MID1: variants seen among roughly 807,000 people sequenced by gnomAD.
MID1 encodes E3 ubiquitin-protein ligase Midline-1.
In MID1, 7 loss-of-function variants were observed where a neutral mutation model predicts 40.4. The observed-to-expected ratio is 0.17, with a 90% CI of 0.10 to 0.33. MID1 has a LOEUF of 0.33. MID1 is among the 10% of genes least tolerant of loss of function. The pLI, the probability that MID1 is intolerant of heterozygous loss-of-function variation, is 1.00. For synonymous variants in MID1, 229 were observed against 221.2 expected, an observed-to-expected ratio of 1.04 and a Z score of -0.31; for missense variants, 367 against 558.5, an observed-to-expected ratio of 0.66 and a Z score of 3.46.
At chrX:10,686,608 T>C (rs988306850) in intron 1 of MID1, among the ~76,000 whole-genome samples, 4 of 112,057 alleles carry the variant, frequency 3.6e-5, no homozygotes, top group African/African-American at 1.3e-4. Context: ...TTATAAAAAA[T>C]ACTTTGTTGT....
At chrX:10,686,541 A>G (rs902143886) in intron 1 of MID1, among the ~76,000 whole-genome samples, 1 of 112,032 alleles carries the variant, frequency 8.9e-6, no homozygotes, top group Non-Finnish European at 1.9e-5. Context: ...TCTTGTCTGA[A>G]ATTTTCAGCA....
intron 1 of MID1, among the ~76,000 whole-genome samples, chrX:10,726,956 A>C (rs2043396347): frequency 1.8e-5 from 2 of 112,709 alleles, no homozygotes. Flanking sequence ...GGCTACAGCT[A>C]GCAAATATTC....
intron 1 of MID1, among the ~76,000 whole-genome samples, chrX:10,715,767 C>A (rs2043298330): frequency 1.8e-5 from 2 of 111,920 alleles, no homozygotes; most frequent in African/African-American, 6.5e-5. Flanking sequence ...TCCTTGACCC[C>A]CAAGTAGCCT....
intron 4 of MID1, among the ~76,000 whole-genome samples, chrX:10,490,982 A>G (rs978866571): frequency 1.8e-5 from 2 of 111,989 alleles, no homozygotes; most frequent in Non-Finnish European, 3.8e-5. Flanking sequence ...TCTCTACTGT[A>G]TTTATGGTAT....
chrX:10,583,313 G>A (rs1935061222), intron 1 of MID1, among the ~76,000 whole-genome samples: 1 of 112,405 alleles, frequency 8.9e-6, no homozygotes, highest in African/African-American at 3.2e-5. Context: ...AAGGTAGATG[G>A]GTGGTGCAAA....
At chrX:10,774,864 T>C (rs1052389110) in intron 1 of MID1, among the ~76,000 whole-genome samples, 1 of 111,711 alleles carries the variant, frequency 9.0e-6, no homozygotes, top group African/African-American at 3.2e-5. Flanking sequence ...AGATTGGCGT[T>C]CTTGGCTTTT....
intron 1 of MID1, among the ~76,000 whole-genome samples, 179 bp from the exon 2 acceptor site, chrX:10,567,782 C>A (rs984741804): frequency 5.4e-5 from 6 of 111,397 alleles, no homozygotes; most frequent in Admixed American, 4.8e-4. Flanking sequence ...GCATCCTGAG[C>A]CATCATATAC....
At chrX:10,833,145 C>T (rs749963298) in intron 1 of MID1, among the ~76,000 whole-genome samples, 59 of 112,043 alleles carry the variant, frequency 5.3e-4, no homozygotes, top group African/African-American at 1.8e-3. Flanking sequence ...TGACAAATTA[C>T]GCTTTTGCAG....
chrX:10,613,762 G>GAC (rs1409240486), intron 1 of MID1, among the ~76,000 whole-genome samples: 2 of 86,151 alleles, frequency 2.3e-5, no homozygotes, highest in Non-Finnish European at 2.2e-5. Context: ...GAGAGAGAGA[G>GAC]AGAGAGACAG....
intron 3 of MID1, chrX:10,501,506 C>T (rs1386990568): frequency 8.7e-7 from 1 of 1,152,847 alleles, no homozygotes; most frequent in Non-Finnish European, 1.1e-6. Context: ...TTCTCCTATT[C>T]CTAGGGTAAT....
intron 4 of MID1, among the ~76,000 whole-genome samples, chrX:10,495,328 C>G (rs1249098152): frequency 9.0e-6 from 1 of 111,502 alleles, no homozygotes; most frequent in Non-Finnish European, 1.9e-5. Context: ...TAGACAAGAC[C>G]TTTATGCTAC....
At chrX:10,704,765 CAG>C (rs1555916259) in intron 1 of MID1, among the ~76,000 whole-genome samples, 37 of 91,582 alleles carry the variant, frequency 4.0e-4, no homozygotes, top group Non-Finnish European at 3.4e-4. Flanking sequence ...CACACACACA[CAG>C]AGAGAGAGAG....
chrX:10,460,940 C>T lies in MID1; in HGVS notation c.1286-1133G>A, dbSNP rs954602640. On this transcript the variant is annotated intron_variant, in intron 7 of 9. Coordinates refer to ENST00000317552, the MANE Select transcript of MID1 (RefSeq NM_000381.4). ...TCAAGGTAGTCACAGGCTCCCGAAG[C>T]CTGTCTTTGAATCTTACTGAATACT... 4.5e-5 allele frequency among the ~76,000 whole-genome samples: 5 copies of T among 110,773 alleles called. No individual in the cohort carries two copies. The Admixed American group carries it at 4.8e-4, about 11-fold the overall frequency.
At chrX:10,457,827 T>C (rs1017892201) in intron 8 of MID1, among the ~76,000 whole-genome samples, 5 of 112,495 alleles carry the variant, frequency 4.4e-5, no homozygotes, top group Non-Finnish European at 9.4e-5. Flanking sequence ...TCCATAAATA[T>C]ATTCTCCTTG....
rs928489565 is a variant in MID1, at chrX:10,792,360, C to T, written c.-187+41194G>A. ...CCAAAACAAATGGGAAAAAGAAAAC[C>T]GTCGATGGTAATACTGCAGTGGTAC... On this transcript the variant is annotated intron_variant, in intron 1 of 10. Transcript: ENST00000380785. 3.6e-5 allele frequency among the ~76,000 whole-genome samples: 4 copies of T among 111,159 alleles called. No homozygotes were observed. The Admixed American group carries it at 3.8e-4, about 11-fold the overall frequency.
rs141879512 is a variant in MID1, at chrX:10,514,309, A to G, written c.756+8783T>C. On this transcript the variant is annotated intron_variant, in intron 3 of 9. Coordinates refer to ENST00000317552, the MANE Select transcript of MID1 (RefSeq NM_000381.4). Reference sequence around the variant, plus strand: ...TGAAACTTGGGAATGTCATTCTAAAAGTAATACCAGCTTACTAAGCCTTAT... The same window carrying G: ...TGAAACTTGGGAATGTCATTCTAAAGGTAATACCAGCTTACTAAGCCTTAT... Among the ~76,000 whole-genome samples, 550 of 112,458 alleles carry G rather than the reference A, an allele frequency of 4.9e-3. 2 individuals carry two copies. The highest frequency in any genetic ancestry group is 0.016 in the African/African-American group (501 of 30,976).
At chrX:10,642,015 C>G (rs1936203330) in intron 1 of MID1, among the ~76,000 whole-genome samples, 1 of 111,804 alleles carries the variant, frequency 8.9e-6, no homozygotes, top group South Asian at 3.8e-4. Flanking sequence ...TGGAATGTAT[C>G]TCAAAATAGT....
chrX:10,522,153 G>C (rs994833327), intron 3 of MID1, among the ~76,000 whole-genome samples: 2 of 112,032 alleles, frequency 1.8e-5, no homozygotes, highest in Admixed American at 1.9e-4. Flanking sequence ...TAGAGTCTTC[G>C]CAGATGTAAT....
intron 5 of MID1, among the ~76,000 whole-genome samples, chrX:10,481,986 G>A (rs1930356223): frequency 8.9e-6 from 1 of 111,791 alleles, no homozygotes; most frequent in African/African-American, 3.3e-5. Flanking sequence ...AGTTGGCCTT[G>A]ACCTTTTCAG....
Sources: gnomAD v4.1 joint callset for allele counts (sites outside exome capture counted in the v4.1 genomes callset) on GRCh38, gnomAD v4.1.1 for gene constraint, MANE v1.5 for transcripts, NCBI Gene and HGNC (gene_info 2026-07-23, HGNC 2026-07-21) for gene names.